Variants in TSPAN5 observed in about 807,000 individuals in gnomAD.
TSPAN5 encodes the protein tetraspanin-5.
TSPAN5 carries 10 observed loss-of-function variants against 37.1 expected under a neutral mutation model. The observed-to-expected ratio is 0.27, with a 90% CI of 0.17 to 0.46. The LOEUF (loss-of-function observed/expected upper bound fraction) is 0.46, where lower values mean the gene tolerates loss of function less well. TSPAN5 is among the 20% of genes least tolerant of loss of function. The probability of loss-of-function intolerance (pLI) is 1.00; values close to 1 mark genes in which losing one functional copy is unlikely to be tolerated. For synonymous variants in TSPAN5, 110 were observed against 118.9 expected, an observed-to-expected ratio of 0.93 and a Z score of 0.48; for missense variants, 195 against 326.6, an observed-to-expected ratio of 0.60 and a Z score of 3.11.
intron 1 of TSPAN5, among the ~76,000 whole-genome samples, chr4:98,529,479 T>C (rs576158544): frequency 7.1e-6 from 1 of 139,864 alleles, no homozygotes; most frequent in South Asian, 2.5e-4. Context: ...ACAATGGAAC[T>C]GGCACAGTTA....
chr4:98,521,962 A>G (rs7689289), intron 1 of TSPAN5, among the ~76,000 whole-genome samples: 32,254 of 152,140 alleles, frequency 0.21, 3,548 homozygotes, highest in South Asian at 0.25. Flanking sequence ...TACAGTCAAT[A>G]TATCATTCTT....
intron 2 of TSPAN5, among the ~76,000 whole-genome samples, chr4:98,489,907 C>A (rs904371205): frequency 3.0e-4 from 45 of 152,280 alleles, no homozygotes; most frequent in Middle Eastern, 3.4e-3. Flanking sequence ...AGAACAAGGA[C>A]CCCCGGTAAC....
chr4:98,508,782 C>A (rs1228595943), intron 1 of TSPAN5, among the ~76,000 whole-genome samples: 3 of 152,096 alleles, frequency 2.0e-5, no homozygotes, highest in African/African-American at 7.2e-5. Context: ...GCCTCGGCCT[C>A]TCAAAATGCT....
At chr4:98,536,106 G>A (rs1244271266) in intron 1 of TSPAN5, among the ~76,000 whole-genome samples, 4 of 152,082 alleles carry the variant, frequency 2.6e-5, no homozygotes, top group Non-Finnish European at 5.9e-5. Context: ...GAGGAGAAGA[G>A]GTGTTCTTGT....
At chr4:98,521,145 G>A (rs112427490) in intron 1 of TSPAN5, among the ~76,000 whole-genome samples, 66 of 152,202 alleles carry the variant, frequency 4.3e-4, no homozygotes, top group African/African-American at 1.5e-3. Context: ...TTGGTCAGGC[G>A]GGTCTTGAAC....
chr4:98,544,993 G>A (rs890068093), intron 1 of TSPAN5, among the ~76,000 whole-genome samples: 1 of 152,180 alleles, frequency 6.6e-6, no homozygotes, highest in Non-Finnish European at 1.5e-5. Context: ...GCTTGAACAG[G>A]GCTGAGCCTA....
chr4:98,554,330 A>C (rs1754690144), intron 1 of TSPAN5, among the ~76,000 whole-genome samples: 1 of 152,220 alleles, frequency 6.6e-6, no homozygotes, highest in South Asian at 2.1e-4. Context: ...AACTATTTGA[A>C]AACATGAACC....
chr4:98,650,138 G>A (rs1010155596), intron 1 of TSPAN5, among the ~76,000 whole-genome samples: 1 of 152,228 alleles, frequency 6.6e-6, no homozygotes, highest in Non-Finnish European at 1.5e-5. Context: ...GTTTAGGAAT[G>A]ACATAATGGC....
chr4:98,607,962 C>T (rs530010354), intron 1 of TSPAN5, among the ~76,000 whole-genome samples: 9 of 152,220 alleles, frequency 5.9e-5, no homozygotes, highest in East Asian at 1.9e-4. Context: ...CCGCCTGCCT[C>T]GGGCTCCCAA....
At chr4:98,506,217 A>G (rs138398181) in intron 2 of TSPAN5, among the ~76,000 whole-genome samples, 1 of 152,326 alleles carries the variant, frequency 6.6e-6, no homozygotes, top group African/African-American at 2.4e-5. Context: ...CATCTAACCA[A>G]CTTCCCAGAT....
intron 1 of TSPAN5, among the ~76,000 whole-genome samples, chr4:98,638,067 A>G (rs1261322886): frequency 6.6e-6 from 1 of 152,024 alleles, no homozygotes; most frequent in Non-Finnish European, 1.5e-5. Context: ...TTCTTATTTC[A>G]GGGCCAGATG....
At chr4:98,630,236 G>T in intron 1 of TSPAN5, among the ~76,000 whole-genome samples, 1 of 152,202 alleles carries the variant, frequency 6.6e-6, no homozygotes, top group East Asian at 1.9e-4. Context: ...CAAAGGCAAA[G>T]CAGAGGAGGC....
intron 1 of TSPAN5, among the ~76,000 whole-genome samples, chr4:98,599,212 C>T (rs1215433423): frequency 2.0e-5 from 3 of 152,142 alleles, no homozygotes; most frequent in African/African-American, 7.2e-5. Flanking sequence ...ATAATCATAG[C>T]TCACTGTAGC....
chr4:98,644,646 G>A (rs1017177900), intron 1 of TSPAN5, among the ~76,000 whole-genome samples: 3 of 152,046 alleles, frequency 2.0e-5, no homozygotes, highest in African/African-American at 7.2e-5. Flanking sequence ...TTTTTAAAAT[G>A]CATTATGTAA....
At chr4:98,545,791 C>T (rs901463201) in intron 1 of TSPAN5, among the ~76,000 whole-genome samples, 1 of 152,190 alleles carries the variant, frequency 6.6e-6, no homozygotes, top group African/African-American at 2.4e-5. Flanking sequence ...CTCAACCTCC[C>T]AAAGTGCTGG....
intron 1 of TSPAN5, among the ~76,000 whole-genome samples, chr4:98,613,132 A>T (rs1387818180): frequency 1.7e-5 from 2 of 121,006 alleles, no homozygotes; most frequent in Non-Finnish European, 3.4e-5. Flanking sequence ...GTTGAGGGCA[A>T]AACCTTTTTT....
intron 2 of TSPAN5, among the ~76,000 whole-genome samples, chr4:98,499,657 CTT>C (rs757802654): frequency 1.4e-4 from 15 of 108,066 alleles, no homozygotes; most frequent in African/African-American, 4.1e-4. Flanking sequence ...GTTTCCAGCT[CTT>C]TTTTTTTTTT....
intron 2 of TSPAN5, among the ~76,000 whole-genome samples, chr4:98,488,293 C>A (rs1274652065): frequency 6.6e-6 from 1 of 152,092 alleles, no homozygotes; most frequent in Non-Finnish European, 1.5e-5. Flanking sequence ...AAGTTTTAAT[C>A]CATTTAAAGG....
intron 1 of TSPAN5, among the ~76,000 whole-genome samples, chr4:98,634,904 T>A (rs892773542): frequency 6.6e-6 from 1 of 152,144 alleles, no homozygotes; most frequent in Non-Finnish European, 1.5e-5. Context: ...GGAACTGAAA[T>A]GGATCACAGA....
Sources: gnomAD v4.1 joint callset for allele counts (sites outside exome capture counted in the v4.1 genomes callset) on GRCh38, gnomAD v4.1.1 for gene constraint, MANE v1.5 for transcripts, NCBI Gene and HGNC (gene_info 2026-07-23, HGNC 2026-07-21) for gene names.